The following MTRR variants were observed in gnomAD, a reference collection of about 807,000 sequenced individuals.
The protein encoded by MTRR is methionine synthase reductase.
In MTRR, 63 loss-of-function variants were observed where a neutral mutation model predicts 79.2. The ratio of observed to expected loss-of-function variants is 0.80; its 90% CI spans 0.65 to 0.98. The LOEUF (loss-of-function observed/expected upper bound fraction) is 0.98. Among genes scored for constraint, MTRR ranks in the 50% least tolerant of loss-of-function variants. The pLI, the probability that MTRR is intolerant of heterozygous loss-of-function variation, is 0.00. For synonymous variants in MTRR, 355 were observed against 313.3 expected (o/e 1.13, Z -1.41); for missense variants, 895 against 839.6 (o/e 1.07, Z -0.82).
At position 7,862,333 on chromosome 5, in the gene MTRR, GCAGCCATGAGC is replaced by G. The variant is rs890455427; in HGVS notation, n.498+279_498+289del. On this transcript the variant is annotated intron_variant and non_coding_transcript_variant, in intron 2 of 3. Coordinates refer to the MTRR transcript ENST00000502509. The stretch of plus-strand genomic sequence containing the variant: ...CTTTATAATGGTGCTGTCCAATTTG[GCAGCCATGAGC>G]CACATGTGGCTACTGAGCACTTACA... Among the ~76,000 whole-genome samples the G allele has an allele frequency of 1.4e-4, 21 of 152,062 alleles. 1 individual carries two copies. The highest frequency in any genetic ancestry group is 8.5e-4 in the Admixed American group (13 of 15,266).
chr5:7,868,794 A>G (rs927315213), upstream of MTRR, among the ~76,000 whole-genome samples: 1 of 152,236 alleles, frequency 6.6e-6, no homozygotes, highest in African/African-American at 2.4e-5. Flanking sequence ...AGACAGACAG[A>G]CGGGAGGCCC....
intron 1 of MTRR, chr5:7,870,008 A>G: frequency 1.0e-6 from 1 of 985,412 alleles, no homozygotes; most frequent in Non-Finnish European, 1.2e-6. Flanking sequence ...GTCTCTGCAA[A>G]TTGACAGCCC....
upstream of MTRR, among the ~76,000 whole-genome samples, chr5:7,864,736 A>G (rs985753816): frequency 6.6e-6 from 1 of 152,178 alleles, no homozygotes; most frequent in Non-Finnish European, 1.5e-5. Context: ...GACTACTAAC[A>G]CACTGCAATA....
chr5:7,871,570 T>G (rs1277067896), intron 2 of MTRR, among the ~76,000 whole-genome samples: 1 of 152,218 alleles, frequency 6.6e-6, no homozygotes, highest in Non-Finnish European at 1.5e-5. Context: ...CAAGATGATT[T>G]GCCAGCCGCT....
chr5:7,889,319 C>T, intron 9 of MTRR, 44 bp downstream of exon 9: 1 of 1,610,018 alleles, frequency 6.2e-7, no homozygotes, highest in Non-Finnish European at 8.5e-7. Flanking sequence ...TGTTCGTGCA[C>T]TGGTAGGCGG....
chr5:7,891,625 C>T (rs144759147), intron 10 of MTRR, among the ~76,000 whole-genome samples: 168 of 152,272 alleles, frequency 1.1e-3, no homozygotes, highest in African/African-American at 3.8e-3. Context: ...CTTCCCATGG[C>T]CCAGTACTAT....
chr5:7,883,071 C>T (rs1313260804), intron 5 of MTRR, 84 bp from the exon 6 acceptor site: 13 of 1,580,488 alleles, frequency 8.2e-6, no homozygotes, highest in Non-Finnish European at 1.1e-5. Flanking sequence ...TTTTGTAAGC[C>T]CCTGTGGATC....
At chr5:7,866,899 AG>A, upstream of MTRR, 1 of 1,614,210 alleles carries the variant, frequency 6.2e-7, no homozygotes, top group Non-Finnish European at 8.5e-7. Flanking sequence ...GGCAAACAAA[AG>A]TTTCTGCCAC....
At chr5:7,877,841 A>T in intron 4 of MTRR, 103 bp from the exon 5 acceptor site, 1 of 1,490,174 alleles carries the variant, frequency 6.7e-7, no homozygotes, top group Non-Finnish European at 9.2e-7. Flanking sequence ...TGTTTCTAAC[A>T]AGTGCATACT....
chr5:7,869,638 GC>G, intron 1 of MTRR: 1 of 234,784 alleles, frequency 4.3e-6, no homozygotes, highest in Non-Finnish European at 8.5e-6. Flanking sequence ...AGTTCTGCCC[GC>G]GGCCGTGAGC....
rs181186726 is a variant in MTRR, at chr5:7,883,331, A to G, written c.903+54A>G. Reference sequence around the variant, plus strand: ...AGTAATATTGTCAGGATGTGCAGAAAGAGTTGTGTGGTGCTTGGTTATATA... The same window carrying G: ...AGTAATATTGTCAGGATGTGCAGAAGGAGTTGTGTGGTGCTTGGTTATATA... On this transcript the variant is annotated intron_variant, in intron 6 of 14. Transcript: ENST00000440940. 780 of 1,611,778 alleles carry G rather than the reference A, an allele frequency of 4.8e-4. 4 individuals carry two copies. The African/African-American group carries it at 8.6e-3, about 18-fold the overall frequency.
chr5:7,855,651 GCTTTTCTTTCAATTCTTATA>G, intron 1 of MTRR, among the ~76,000 whole-genome samples: 1 of 152,094 alleles, frequency 6.6e-6, no homozygotes, highest in East Asian at 1.9e-4. Context: ...CACTGAGCCA[GCTTTTCTTTCAATTCTTATA>G]CTTTTCTTTC....
chr5:7,855,594 A>T (rs1179882398), intron 1 of MTRR, among the ~76,000 whole-genome samples: 1 of 152,070 alleles, frequency 6.6e-6, no homozygotes, highest in Non-Finnish European at 1.5e-5. Flanking sequence ...GGCCTCAAGT[A>T]ATCCTCCTGC....
At chr5:7,855,318 T>C (rs1746207616) in intron 1 of MTRR, among the ~76,000 whole-genome samples, 1 of 151,226 alleles carries the variant, frequency 6.6e-6, no homozygotes, top group South Asian at 2.1e-4. Flanking sequence ...GGCTGAATGA[T>C]TAGATAAAAA....
intron 2 of MTRR, among the ~76,000 whole-genome samples, chr5:7,863,742 T>C (rs531654614): frequency 6.6e-6 from 1 of 152,364 alleles, no homozygotes; most frequent in Non-Finnish European, 1.5e-5. Context: ...CTGTCATCCA[T>C]GACAGATGCT....
chr5:7,851,384 A>G, exon 1 of MTRR: 1 of 199,046 alleles, frequency 5.0e-6, no homozygotes. Context: ...CGAGACCATT[A>G]GTGACTGAGC....
chr5:7,897,493 A>C (rs1263978261), intron 14 of MTRR, among the ~76,000 whole-genome samples: 1 of 152,172 alleles, frequency 6.6e-6, no homozygotes, highest in Admixed American at 6.5e-5. Flanking sequence ...CCATTTACTT[A>C]CCTGTTTTTA....
intron 14 of MTRR, among the ~76,000 whole-genome samples, chr5:7,899,228 A>G (rs1023967085): frequency 2.6e-5 from 4 of 152,152 alleles, no homozygotes; most frequent in Admixed American, 2.6e-4. Flanking sequence ...ACATTTTAAC[A>G]TAAAGATTTG....
At chr5:7,894,399 C>T (rs1048485034) in intron 11 of MTRR, among the ~76,000 whole-genome samples, 2 of 152,236 alleles carry the variant, frequency 1.3e-5, no homozygotes, top group Non-Finnish European at 2.9e-5. Context: ...GAGCACTAAG[C>T]CTGTGGGCGT....
Sources: allele counts gnomAD v4.1 joint callset (sites outside exome capture counted in the v4.1 genomes callset), GRCh38; gene constraint gnomAD v4.1.1; transcripts MANE v1.5; gene names NCBI Gene and HGNC (gene_info 2026-07-23, HGNC 2026-07-21).